The following ERAP1 variants were observed in gnomAD, a reference collection of about 807,000 sequenced individuals.
The protein encoded by ERAP1 is endoplasmic reticulum aminopeptidase 1, also known as adipocyte-derived leucine aminopeptidase.
In ERAP1, 86 loss-of-function variants were observed where a neutral mutation model predicts 103.7. That is an observed-to-expected ratio of 0.83 (90% CI 0.70 to 0.99). ERAP1 has a LOEUF of 0.99. Among genes scored for constraint, ERAP1 ranks in the 50% least tolerant of loss-of-function variants. The pLI is 0.00. For missense variants in ERAP1, 1,009 were observed against 1,128.4 expected, an observed-to-expected ratio of 0.89 and a Z score of 1.52; for synonymous variants, 398 against 402.4, an observed-to-expected ratio of 0.99 and a Z score of 0.13.
At chr5:96,875,331 T>C in the ERAP1 span, among the ~76,000 whole-genome samples, 1 of 151,920 alleles carries the variant, frequency 6.6e-6, no homozygotes, top group Non-Finnish European at 1.5e-5. Flanking sequence ...GCCTAGGAGT[T>C]TGAGACCAGC....
the ERAP1 span, among the ~76,000 whole-genome samples, chr5:96,850,395 G>A: frequency 6.6e-6 from 1 of 152,006 alleles, no homozygotes; most frequent in African/African-American, 2.4e-5. Flanking sequence ...TCAATAATAA[G>A]AAAACAAATA....
the ERAP1 span, among the ~76,000 whole-genome samples, chr5:96,908,728 G>A: frequency 6.6e-6 from 1 of 152,108 alleles, no homozygotes; most frequent in Non-Finnish European, 1.5e-5. Context: ...AAGCCTATGA[G>A]GAAGATAGTA....
the ERAP1 span, among the ~76,000 whole-genome samples, chr5:96,926,891 G>A: frequency 1.3e-5 from 2 of 151,978 alleles, no homozygotes; most frequent in African/African-American, 2.4e-5. Flanking sequence ...GTCTCAGCTC[G>A]CTGCAGCCTC....
At chr5:96,811,428 A>G (rs1229485912), upstream of ERAP1, among the ~76,000 whole-genome samples, 1 of 152,256 alleles carries the variant, frequency 6.6e-6, no homozygotes, top group Admixed American at 6.5e-5. Flanking sequence ...AAACAGGATT[A>G]GAGATGTGAA....
At chr5:96,912,063 G>C in the ERAP1 span, among the ~76,000 whole-genome samples, 2 of 150,242 alleles carry the variant, frequency 1.3e-5, no homozygotes, top group African/African-American at 2.4e-5. Context: ...GGTGGCGGGC[G>C]CCTGTAGTCC....
At chr5:96,926,179 G>C in the ERAP1 span, among the ~76,000 whole-genome samples, 1 of 152,046 alleles carries the variant, frequency 6.6e-6, no homozygotes, top group African/African-American at 2.4e-5. Flanking sequence ...CAAAGTGCTG[G>C]GATTACAGGC....
At chr5:96,920,866 G>A in the ERAP1 span, among the ~76,000 whole-genome samples, 1 of 152,204 alleles carries the variant, frequency 6.6e-6, no homozygotes, top group Non-Finnish European at 1.5e-5. Context: ...TTACTAGGTC[G>A]AAGCATATGT....
At chr5:96,856,318 C>CAAAA in the ERAP1 span, among the ~76,000 whole-genome samples, 2 of 12,164 alleles carry the variant, frequency 1.6e-4, no homozygotes, top group Non-Finnish European at 3.3e-4. Flanking sequence ...GACTCCGTCT[C>CAAAA]AAAAAAAAAA....
rs146163901 is a variant in ERAP1 at position 96,793,899 on chromosome 5, T to A, written c.978A>T (p.Thr326=). Residue 326 remains threonine, a synonymous_variant, in exon 6 of 19, where the codon ACA becomes ACT. Transcript: ENST00000443439. ...SGAMENWGLT[T]YRESALLFDA... Reference sequence around the variant, plus strand: ...CAAACAACAGAGCAGATTCTCTATATGTTGTCAGTCCCCAGTTTTCCATAG... The same window carrying A: ...CAAACAACAGAGCAGATTCTCTATAAGTTGTCAGTCCCCAGTTTTCCATAG... The A allele has an allele frequency of 4.2e-5, 68 of 1,614,046 alleles. No homozygotes were observed. Among genetic ancestry groups the A allele is most frequent in the Non-Finnish European group, 5.6e-5 (66 of 1,180,000 alleles).
the ERAP1 span, among the ~76,000 whole-genome samples, chr5:96,817,571 C>T: frequency 6.6e-6 from 1 of 152,234 alleles, no homozygotes; most frequent in Non-Finnish European, 1.5e-5. Context: ...CAGGCTATTA[C>T]ATGACTTACA....
chr5:96,859,202 C>T, the ERAP1 span, among the ~76,000 whole-genome samples: 2 of 152,056 alleles, frequency 1.3e-5, no homozygotes, highest in Non-Finnish European at 2.9e-5. Flanking sequence ...TGAATTGGGT[C>T]TCTGGGCGAC....
chr5:96,812,339 G>A (rs554999138), upstream of ERAP1, among the ~76,000 whole-genome samples: 8 of 152,248 alleles, frequency 5.3e-5, no homozygotes, highest in Admixed American at 1.3e-4. Flanking sequence ...ATCTATACCC[G>A]TTATGGTGAG....
chr5:96,831,479 T>C, the ERAP1 span, among the ~76,000 whole-genome samples: 2 of 152,198 alleles, frequency 1.3e-5, no homozygotes, highest in South Asian at 2.1e-4. Flanking sequence ...CCCATGATGT[T>C]CAAGGGCCAA....
chr5:96,787,865 CAT>C (rs537007290), intron 11 of ERAP1, among the ~76,000 whole-genome samples: 2,784 of 147,114 alleles, frequency 0.019, 42 homozygotes, highest in Middle Eastern at 0.071. Context: ...CAAACATATA[CAT>C]ATATATATAG....
At chr5:96,828,845 CT>C in the ERAP1 span, among the ~76,000 whole-genome samples, 22 of 151,296 alleles carry the variant, frequency 1.5e-4, no homozygotes, top group African/African-American at 3.1e-4. Flanking sequence ...TTCTTCGTGA[CT>C]TTTTTTTTAT....
At chr5:96,883,614 G>A in the ERAP1 span, among the ~76,000 whole-genome samples, 2 of 152,172 alleles carry the variant, frequency 1.3e-5, no homozygotes, top group African/African-American at 4.8e-5. Flanking sequence ...ATTGATGGCT[G>A]CTAAATAAGA....
At chr5:96,907,409 G>A in the ERAP1 span, among the ~76,000 whole-genome samples, 102 of 152,268 alleles carry the variant, frequency 6.7e-4, 1 homozygote, top group Middle Eastern at 6.8e-3. Context: ...GGCTGGGCTG[G>A]AAAGAAAAAC....
the ERAP1 span, among the ~76,000 whole-genome samples, chr5:96,819,958 G>A: frequency 7.9e-5 from 12 of 152,178 alleles, no homozygotes; most frequent in Non-Finnish European, 1.3e-4. Context: ...TTGCCGAGAC[G>A]TAGGTTAGAG....
chr5:96,833,018 C>A, the ERAP1 span, among the ~76,000 whole-genome samples: 1 of 152,204 alleles, frequency 6.6e-6, no homozygotes, highest in East Asian at 1.9e-4. Flanking sequence ...CCTGAGGATA[C>A]AAGAATTCAT....
Sources: gnomAD v4.1 joint callset for allele counts (sites outside exome capture counted in the v4.1 genomes callset) on GRCh38, gnomAD v4.1.1 for gene constraint, MANE v1.5 for transcripts, NCBI Gene and HGNC (gene_info 2026-07-23, HGNC 2026-07-21) for gene names.